The following CERKL variants were observed in gnomAD, a reference collection of about 807,000 sequenced individuals.
CERKL encodes the protein CERK like autophagy regulator.
In CERKL, 61 loss-of-function variants were observed where a neutral mutation model predicts 63.4. The observed-to-expected ratio is 0.96, with a 90% CI of 0.78 to 1.19. CERKL has a LOEUF of 1.19. Among genes scored for constraint, CERKL ranks in the 50% most tolerant of loss-of-function variants. The pLI is 0.00. For synonymous variants in CERKL, 250 were observed against 230.5 expected (o/e 1.08, Z -0.77); for missense variants, 675 against 655.5 (o/e 1.03, Z -0.33).
In CERKL at chr2:181,558,199, T is replaced by C. The variant is rs975288537; in HGVS notation, c.820+367A>G. On this transcript the variant is annotated intron_variant, in intron 5 of 12. Coordinates refer to ENST00000410087, the MANE Select transcript of CERKL (RefSeq NM_201548.5). The surrounding 1 kb of genome is among the most constrained non-coding windows in gnomAD (Gnocchi z 4.2). ...AAGCAGCTAGACTGGAGTGGCCCTG[T>C]TTTGAAACTTCTTACCTGGTACTGT... Among the ~76,000 whole-genome samples the C allele has an allele frequency of 2.6e-4, 39 of 152,158 alleles. No individual in the cohort carries two copies. The highest frequency in any genetic ancestry group is 9.4e-4 in the African/African-American group (39 of 41,448).
At chr2:181,609,567 GTAGTGGCACACACCTGTAATCCCAGCTAC>G in intron 1 of CERKL, among the ~76,000 whole-genome samples, 1 of 114,288 alleles carries the variant, frequency 8.7e-6, no homozygotes, top group East Asian at 3.5e-4. Context: ...TTTGCCAGGT[GTAGTGGCACACACCTGTAATCCCAGCTAC>G]TCAAGAGGTT....
chr2:181,565,340 TATA>T, intron 4 of CERKL: 2 of 854,956 alleles, frequency 2.3e-6, no homozygotes, highest in East Asian at 2.5e-5. Context: ...CCTAAAGGAA[TATA>T]ATATGTTTTA....
intron 2 of CERKL, among the ~76,000 whole-genome samples, chr2:181,591,092 T>C (rs1033334292): frequency 2.6e-5 from 4 of 152,202 alleles, no homozygotes; most frequent in African/African-American, 9.6e-5. Flanking sequence ...AAGCTCTCTG[T>C]GACACGATAT....
intron 5 of CERKL, among the ~76,000 whole-genome samples, chr2:181,552,385 A>C (rs753766214): frequency 6.6e-6 from 1 of 152,034 alleles, no homozygotes; most frequent in African/African-American, 2.4e-5. Context: ...TGTGATAGTG[A>C]GTGAGTTCTC....
intron 1 of CERKL, among the ~76,000 whole-genome samples, chr2:181,643,630 C>G (rs911099347): frequency 2.6e-5 from 4 of 152,166 alleles, no homozygotes; most frequent in African/African-American, 9.7e-5. Flanking sequence ...GCACAGAAAT[C>G]TGTATAGTAT....
chr2:181,600,013 A>G (rs1559098058), intron 2 of CERKL, among the ~76,000 whole-genome samples: 1 of 152,198 alleles, frequency 6.6e-6, no homozygotes, highest in Admixed American at 6.5e-5. Context: ...CTCAGCAGAA[A>G]CCTTACAAGC....
At chr2:181,578,358 G>C (rs1392540418) in intron 2 of CERKL, among the ~76,000 whole-genome samples, 2 of 152,144 alleles carry the variant, frequency 1.3e-5, no homozygotes, top group Admixed American at 6.5e-5. Context: ...GGAGTGCAGT[G>C]GCATGATCTT....
intron 2 of CERKL, among the ~76,000 whole-genome samples, chr2:181,597,214 A>G (rs988124901): frequency 6.6e-6 from 1 of 152,342 alleles, no homozygotes; most frequent in African/African-American, 2.4e-5. Context: ...CAAATTTTAC[A>G]TAATACCTAT....
rs748859967 is a variant in CERKL at position 181,656,970 on chromosome 2, G to A, written c.37C>T (p.Leu13=). 39 of 1,584,556 alleles carry A rather than the reference G, an allele frequency of 2.5e-5. No homozygotes were observed. The highest frequency in any genetic ancestry group is 2.2e-4 in the African/African-American group (16 of 74,000). Residue 13 remains leucine (L), a synonymous_variant, in exon 1 of 13, where the codon CTG becomes TTG. Transcript: ENST00000410087. ...GCCTCTTCCTCCCGGCCGCCCTCCA[G>A]GGCACTCACCCGGTTCCTGCGCCTC... ...WRRRRNRVSA[L]EGGREEEAPP... is the part of the protein sequence containing the mutation.
chr2:181,640,158 G>A (rs983533259), intron 1 of CERKL, among the ~76,000 whole-genome samples: 14 of 152,128 alleles, frequency 9.2e-5, no homozygotes, highest in African/African-American at 2.9e-4. Flanking sequence ...ATTACACTAA[G>A]TTTCCTCATA....
Position 181,625,357 on chromosome 2 carries a change from G to T in CERKL, c.239-21278C>A, listed in dbSNP as rs142668696. On this transcript the variant is annotated intron_variant, in intron 1 of 12. Transcript: ENST00000410087. The stretch of plus-strand genomic sequence containing the variant: ...AGTTATCTAGCTAGAAAGTTGGGGG[G>T]TGGGGTGAGCAAAAAAAAAAAATAA... 1.2e-3 allele frequency among the ~76,000 whole-genome samples: 185 copies of T among 151,040 alleles called. 1 individual carries two copies. Among genetic ancestry groups the T allele is most frequent in the Non-Finnish European group, 2.1e-3 (140 of 67,764 alleles).
intron 5 of CERKL, among the ~76,000 whole-genome samples, chr2:181,556,391 A>C (rs1688206803): frequency 1.3e-5 from 2 of 149,370 alleles, no homozygotes; most frequent in African/African-American, 2.5e-5. Context: ...ATCCCTCCCC[A>C]CCTTCCCCCA....
At chr2:181,618,322 G>T (rs534608855) in intron 1 of CERKL, among the ~76,000 whole-genome samples, 1 of 151,180 alleles carries the variant, frequency 6.6e-6, no homozygotes, top group South Asian at 2.1e-4. Flanking sequence ...TAGAAGAGTG[G>T]TACTGCTTTT....
At position 181,657,096 on chromosome 2, in the gene CERKL, G is replaced by C. The variant is rs1237034390; in HGVS notation, c.-90C>G. ...GCGCGGCAGCCCCAGCTCTAGCCGCGTCCAGCGCTGCCACAGCAACGGCGC... is the reference window on the plus strand; with the variant it reads ...GCGCGGCAGCCCCAGCTCTAGCCGCCTCCAGCGCTGCCACAGCAACGGCGC... On this transcript the variant is annotated 5_prime_UTR_variant, in exon 1 of 13. Transcript: ENST00000410087. The C allele has an allele frequency of 2.5e-6, 3 of 1,223,604 alleles. No homozygotes were observed. The highest frequency in any genetic ancestry group is 3.5e-6 in the Non-Finnish European group (3 of 854,848). The allele number at this position is 1,223,604 out of a possible 1,614,324, so 75.8% of individuals were successfully genotyped here.
At chr2:181,547,790 C>A (rs1687794868) in intron 9 of CERKL, 32 bp downstream of exon 9, 1 of 1,613,938 alleles carries the variant, frequency 6.2e-7, no homozygotes, top group Non-Finnish European at 8.5e-7. Flanking sequence ...CAGAACCTGG[C>A]ACAGTTCTCA....
Position 181,566,047 on chromosome 2 carries a change from A to G in CERKL, c.677+11T>C, listed in dbSNP as rs761760828. Reference sequence around the variant, plus strand: ...ATGATATAACATATATTGATTAATAATATAACCTACCCATCAAATCCCTGG... The same window carrying G: ...ATGATATAACATATATTGATTAATAGTATAACCTACCCATCAAATCCCTGG... On this transcript the variant is annotated intron_variant, in intron 4 of 12. Coordinates refer to ENST00000410087, the MANE Select transcript of CERKL (RefSeq NM_201548.5). 4.5e-6 allele frequency: 7 copies of G among 1,563,296 alleles called. No homozygotes were observed. In the South Asian group the frequency reaches 7.8e-5, roughly 17 times the overall value.
chr2:181,595,084 C>A (rs1322558689), intron 2 of CERKL, among the ~76,000 whole-genome samples: 1 of 152,126 alleles, frequency 6.6e-6, no homozygotes, highest in African/African-American at 2.4e-5. Flanking sequence ...CCATTATACT[C>A]TCATCTAAGG....
At chr2:181,636,622 A>G (rs1687191353) in intron 1 of CERKL, among the ~76,000 whole-genome samples, 1 of 152,186 alleles carries the variant, frequency 6.6e-6, no homozygotes, top group Admixed American at 6.5e-5. Flanking sequence ...TCCCCCATAA[A>G]TAAGACAATG....
intron 3 of CERKL, 104 bp from the exon 4 acceptor site, chr2:181,566,225 C>A: frequency 1.2e-6 from 1 of 809,260 alleles, no homozygotes; most frequent in South Asian, 1.4e-5. Context: ...ATGGTCAAGT[C>A]ATAAAACAGC....
Sources: gnomAD v4.1 joint callset for allele counts (sites outside exome capture counted in the v4.1 genomes callset) on GRCh38, gnomAD v4.1.1 for gene constraint, Gnocchi (gnomAD v3.1) non-coding constraint, MANE v1.5 for transcripts, NCBI Gene and HGNC (gene_info 2026-07-23, HGNC 2026-07-21) for gene names.